The following CSMD3 variants were observed in gnomAD, a reference collection of about 807,000 sequenced individuals.
CSMD3 encodes the protein CUB and Sushi multiple domains 3.
Under a neutral mutation model 435.2 loss-of-function variants are expected in CSMD3, and 177 were observed. The ratio of observed to expected loss-of-function variants is 0.41; its 90% confidence interval spans 0.36 to 0.46. The LOEUF (loss-of-function observed/expected upper bound fraction) is 0.46. Ranked by LOEUF, CSMD3 falls within the 20% of genes least tolerant of loss-of-function variation. The pLI is 0.34. For missense variants in CSMD3, 4,265 were observed against 4,504.6 expected, an observed-to-expected ratio of 0.95 and a Z score of 1.52; for synonymous variants, 1,656 against 1,520.5, an observed-to-expected ratio of 1.09 and a Z score of -2.07.
At chr8:113,327,303 T>C (rs532447156) in intron 1 of CSMD3, among the ~76,000 whole-genome samples, 4 of 152,324 alleles carry the variant, frequency 2.6e-5, no homozygotes, top group South Asian at 2.1e-4. Context: ...GTGGTACTTC[T>C]GGAATGGCAG....
chr8:113,140,923 G>A (rs540500974), intron 4 of CSMD3, among the ~76,000 whole-genome samples: 2 of 150,670 alleles, frequency 1.3e-5, no homozygotes, highest in African/African-American at 4.9e-5. Flanking sequence ...ATTAAAAACA[G>A]AAAATCAATA....
At chr8:112,249,384 C>T (rs973059955) in intron 63 of CSMD3, among the ~76,000 whole-genome samples, 1 of 152,034 alleles carries the variant, frequency 6.6e-6, no homozygotes, top group East Asian at 1.9e-4. Context: ...TACCCCCCTC[C>T]AGAGTTTCGT....
chr8:112,384,403 A>C (rs1829755194), intron 36 of CSMD3, among the ~76,000 whole-genome samples: 2 of 152,216 alleles, frequency 1.3e-5, no homozygotes, highest in African/African-American at 4.8e-5. Context: ...ATTTAGAGAA[A>C]GATGCATGTG....
At chr8:113,025,538 T>A (rs2086844961) in intron 5 of CSMD3, among the ~76,000 whole-genome samples, 1 of 152,100 alleles carries the variant, frequency 6.6e-6, no homozygotes, top group South Asian at 2.1e-4. Flanking sequence ...GCCAGCTATA[T>A]TGGTCCAGGA....
At chr8:112,446,544 A>G (rs373508444) in intron 32 of CSMD3, among the ~76,000 whole-genome samples, 22 of 152,304 alleles carry the variant, frequency 1.4e-4, no homozygotes, top group African/African-American at 5.3e-4. Context: ...ATTCAGTCCT[A>G]TTTACAACAT....
At chr8:112,818,473 A>G (rs2079440111) in intron 12 of CSMD3, among the ~76,000 whole-genome samples, 1 of 152,202 alleles carries the variant, frequency 6.6e-6, no homozygotes, top group Admixed American at 6.6e-5. Context: ...ATTAAACTTA[A>G]AAAGCAAAAA....
chr8:113,340,704 T>G (rs1403640598), intron 1 of CSMD3, among the ~76,000 whole-genome samples: 1 of 151,950 alleles, frequency 6.6e-6, no homozygotes, highest in Non-Finnish European at 1.5e-5. Context: ...AAACCCTGTC[T>G]CTACCAAAAA....
intron 3 of CSMD3, among the ~76,000 whole-genome samples, chr8:113,215,941 T>A (rs564976244): frequency 1.3e-5 from 2 of 151,928 alleles, no homozygotes; most frequent in Admixed American, 1.3e-4. Flanking sequence ...GAAAAAGATA[T>A]ATTAAACTTC....
chr8:113,185,915 G>C (rs2131955632), intron 3 of CSMD3, among the ~76,000 whole-genome samples: 1 of 152,116 alleles, frequency 6.6e-6, no homozygotes, highest in East Asian at 2.0e-4. Context: ...TCACTTGCAA[G>C]CTATGTTCAG....
chr8:112,383,537 AT>A (rs1470745910), intron 37 of CSMD3, 29 bp downstream of exon 37: 1 of 1,171,296 alleles, frequency 8.5e-7, no homozygotes, highest in Admixed American at 1.7e-5. Context: ...TTATATCTGT[AT>A]TTTAATTAAG....
At chr8:113,080,830 C>A (rs574663574) in intron 5 of CSMD3, among the ~76,000 whole-genome samples, 1 of 152,110 alleles carries the variant, frequency 6.6e-6, no homozygotes, top group East Asian at 1.9e-4. Context: ...TAAAAACTCA[C>A]GATATTTTTA....
At chr8:112,900,517 G>T (rs977807741) in intron 10 of CSMD3, among the ~76,000 whole-genome samples, 1 of 151,174 alleles carries the variant, frequency 6.6e-6, no homozygotes, top group Non-Finnish European at 1.5e-5. Flanking sequence ...TGGAAGTTGG[G>T]GGTCAAGGAA....
chr8:113,323,687 C>T (rs928493350), intron 1 of CSMD3, among the ~76,000 whole-genome samples: 1 of 152,218 alleles, frequency 6.6e-6, no homozygotes, highest in South Asian at 2.1e-4. Context: ...TTCACATGTT[C>T]TTTCATAAAT....
chr8:112,778,518 C>T (rs1017713413), intron 13 of CSMD3, among the ~76,000 whole-genome samples: 6 of 151,904 alleles, frequency 3.9e-5, no homozygotes, highest in African/African-American at 1.4e-4. Context: ...AAGTATCCTC[C>T]ATGTCTTTTC....
intron 1 of CSMD3, among the ~76,000 whole-genome samples, chr8:113,355,722 TTA>T (rs1299902928): frequency 6.8e-4 from 53 of 77,782 alleles, no homozygotes; most frequent in Non-Finnish European, 1.1e-3. Context: ...AGTTTTATTT[TTA>T]TATATATATA....
intron 6 of CSMD3, among the ~76,000 whole-genome samples, chr8:113,006,730 T>C (rs1006146838): frequency 1.3e-5 from 2 of 151,842 alleles, no homozygotes; most frequent in African/African-American, 4.8e-5. Flanking sequence ...TCATTTGGGG[T>C]CTATCCAACC....
chr8:113,397,913 A>T (rs952136578), intron 1 of CSMD3, among the ~76,000 whole-genome samples: 1 of 152,078 alleles, frequency 6.6e-6, no homozygotes, highest in African/African-American at 2.4e-5. Context: ...TTCAAACAGC[A>T]GGTTTTGCTT....
At chr8:112,513,599 T>C (rs1257049041) in intron 28 of CSMD3, among the ~76,000 whole-genome samples, 1 of 152,140 alleles carries the variant, frequency 6.6e-6, no homozygotes, top group Non-Finnish European at 1.5e-5. Flanking sequence ...ATTACCAAAA[T>C]ATAATACAGG....
chr8:112,413,164 C>T (rs558800352), intron 32 of CSMD3, among the ~76,000 whole-genome samples: 4 of 152,186 alleles, frequency 2.6e-5, no homozygotes, highest in African/African-American at 9.6e-5. Flanking sequence ...TAACCTTTAT[C>T]CCAATTTTAA....
Sources: gnomAD v4.1 joint callset for allele counts (sites outside exome capture counted in the v4.1 genomes callset) on GRCh38, gnomAD v4.1.1 for gene constraint, MANE v1.5 for transcripts, NCBI Gene and HGNC (gene_info 2026-07-23, HGNC 2026-07-21) for gene names.